Variants in EPB42 observed in about 807,000 individuals in gnomAD.
EPB42 encodes protein 4.2.
In EPB42, 49 loss-of-function variants were observed where a neutral mutation model predicts 76.9. The observed-to-expected ratio is 0.64, with a 90% confidence interval of 0.51 to 0.81. The LOEUF (loss-of-function observed/expected upper bound fraction) is 0.81. Ranked by LOEUF, EPB42 falls within the 30% of genes least tolerant of loss-of-function variation. The pLI is 0.00. For synonymous variants in EPB42, 310 were observed against 338.4 expected (o/e 0.92, Z 0.92); for missense variants, 731 against 867.6 (o/e 0.84, Z 1.98).
chr15:43,217,821 T>G (rs2042400672), intron 1 of EPB42, among the ~76,000 whole-genome samples: 1 of 152,202 alleles, frequency 6.6e-6, no homozygotes, highest in African/African-American at 2.4e-5. Flanking sequence ...CTTCAAATTT[T>G]CCTCAATTCC....
At position 43,206,275 on chromosome 15, in the gene EPB42, G is replaced by T; in HGVS notation, c.1618+55C>A. On this transcript the variant is annotated intron_variant, in intron 10 of 12. Coordinates refer to ENST00000441366, the MANE Select transcript of EPB42 (RefSeq NM_001114134.2). This position sits in a 1 kb window ranked among gnomAD's most constrained non-coding sequence, Gnocchi z 4.7. Reference sequence around the variant, plus strand: ...CTGTGGCTGCTGCCTGCCCAAGGCAGGGGCCATGTGTGTGTGTGTGTCGGG... The same window carrying T: ...CTGTGGCTGCTGCCTGCCCAAGGCATGGGCCATGTGTGTGTGTGTGTCGGG... 6.5e-7 allele frequency: 1 copy of T among 1,537,710 alleles called. No homozygotes were observed.
rs774394204 is a variant in EPB42, at chr15:43,208,793, G to A, written c.833-18C>T. The A allele has an allele frequency of 6.2e-7, 1 of 1,613,104 alleles. No individual in the cohort carries two copies. The highest frequency in any genetic ancestry group is 8.5e-7 in the Non-Finnish European group (1 of 1,179,582). ...TCGCAGCACTGTGAGAAGAGGGGCGGAGTGTCAGGGGGCGCTTGAGAGACC... is the reference window on the plus strand; with the variant it reads ...TCGCAGCACTGTGAGAAGAGGGGCGAAGTGTCAGGGGGCGCTTGAGAGACC... On this transcript the variant is annotated intron_variant, in intron 6 of 12. Coordinates refer to ENST00000441366, the MANE Select transcript of EPB42 (RefSeq NM_001114134.2).
intron 8 of EPB42, among the ~76,000 whole-genome samples, 167 bp from the exon 9 acceptor site, chr15:43,207,608 T>G (rs1378406278): frequency 1.3e-5 from 2 of 152,238 alleles, no homozygotes; most frequent in African/African-American, 4.8e-5. Context: ...GAGGTGAAAC[T>G]ATTTAGTGAT....
intron 1 of EPB42, among the ~76,000 whole-genome samples, chr15:43,219,970 A>T (rs896408111): frequency 6.6e-6 from 1 of 151,108 alleles, no homozygotes; most frequent in African/African-American, 2.4e-5. Flanking sequence ...AGGACAATTT[A>T]TTGGTGTCTG....
chr15:43,197,880 C>T (rs2042067623), intron 12 of EPB42, among the ~76,000 whole-genome samples: 1 of 152,192 alleles, frequency 6.6e-6, no homozygotes, highest in African/African-American at 2.4e-5. Context: ...ATCATGGGGG[C>T]TGGTCTTTCC....
At chr15:43,221,108 C>T (rs886051170), upstream of EPB42, 27 of 451,106 alleles carry the variant, frequency 6.0e-5, no homozygotes, top group South Asian at 2.7e-4. Context: ...GGCAGGAATA[C>T]GCCTGGCAGC....
rs183927436 is a variant in EPB42 at position 43,220,766 on chromosome 15, G to A, written c.10+50C>T. On this transcript the variant is annotated intron_variant, in intron 1 of 12. Coordinates refer to ENST00000441366, the MANE Select transcript of EPB42 (RefSeq NM_001114134.2). Reference sequence around the variant, plus strand: ...CTTTAATGAAAACAGGTGATGCTGCGGGGGCTGCATACAGTCCAGCAAGCC... The same window carrying A: ...CTTTAATGAAAACAGGTGATGCTGCAGGGGCTGCATACAGTCCAGCAAGCC... The A allele has an allele frequency of 2.5e-4, 409 of 1,612,792 alleles. No homozygotes were observed. The highest frequency in any genetic ancestry group is 5.2e-4 in the Admixed American group (31 of 59,928).
chr15:43,216,362 C>A lies in EPB42; in HGVS notation c.102G>T (p.Arg34Ser). The change falls in exon 2 of 13, where the codon AGG becomes AGT. Residue 34 changes from arginine to serine, a missense_variant. Arg to Ser is a moderately radical substitution (Grantham distance 110). Coordinates refer to ENST00000441366, the MANE Select transcript of EPB42 (RefSeq NM_001114134.2). The part of the protein sequence containing the change: ...KALSSRRLFV[R>S]RGQPFTIILY... ...GGATGATGGTGAAGGGCTGCCCCCT[C>A]CTCACAAAGAGGCGCCGGGAGCTGA... 1.2e-6 allele frequency: 2 copies of A among 1,614,240 alleles called. No homozygotes were observed. Among genetic ancestry groups the A allele is most frequent in the Non-Finnish European group, 1.7e-6 (2 of 1,180,046 alleles).
intron 1 of EPB42, among the ~76,000 whole-genome samples, chr15:43,216,794 A>G (rs1385259857): frequency 6.6e-6 from 1 of 152,166 alleles, no homozygotes; most frequent in Non-Finnish European, 1.5e-5. Flanking sequence ...TCTGGTCCCA[A>G]TCCACAAGCA....
chr15:43,211,422 A>G lies in EPB42; in HGVS notation c.543T>C (p.Phe181=), dbSNP rs1324981550. 6.2e-7 allele frequency: 1 copy of G among 1,608,746 alleles called. No individual in the cohort carries two copies. The highest frequency in any genetic ancestry group is 2.2e-5 in the East Asian group (1 of 44,864). ...ADCIQAESWD[F]GQFEGDVIDL... ...CCCTAGAGGGCCCTGGTACCTGGCC[A>G]AAGTCCCAGGACTCTGCCTGGATGC... Residue 181 remains phenylalanine (F), a synonymous_variant, in exon 4 of 13, where the codon TTT becomes TTC. Coordinates refer to ENST00000441366, the MANE Select transcript of EPB42 (RefSeq NM_001114134.2).
chr15:43,210,528 C>T, intron 4 of EPB42, 89 bp from the exon 5 acceptor site: 1 of 1,166,760 alleles, frequency 8.6e-7, no homozygotes, highest in Non-Finnish European at 1.3e-6. Flanking sequence ...TCCTGCAGGA[C>T]AGCCTCATCA....
Position 43,208,769 on chromosome 15 carries a change from C to G in EPB42, c.839G>C (p.Arg280Pro). ...CACGCGGGCAGGGATTCCCAGGCAT[C>G]GCAGCACTGTGAGAAGAGGGGCGGA... ...VLAAVACTVL[R>P]CLGIPARVVT... The change falls in exon 7 of 13, where the codon CGA becomes CCA. Residue 280 changes from arginine to proline, a missense_variant. Transcript: ENST00000441366. 1.2e-6 allele frequency: 2 copies of G among 1,613,998 alleles called. No homozygotes were observed. Among genetic ancestry groups the G allele is most frequent in the Non-Finnish European group, 1.7e-6 (2 of 1,179,986 alleles).
Position 43,207,188 on chromosome 15 carries a change from C to A in EPB42, c.1318+11G>T. Reference sequence around the variant, plus strand: ...GTACCGAGAAGCCTGGGGCCCTTCCCTGGCCCGTACCTTCAGGATACTTGT... The same window carrying A: ...GTACCGAGAAGCCTGGGGCCCTTCCATGGCCCGTACCTTCAGGATACTTGT... On this transcript the variant is annotated intron_variant, in intron 9 of 12. Transcript: ENST00000441366. 6.2e-7 allele frequency: 1 copy of A among 1,614,110 alleles called. No homozygotes were observed. Among genetic ancestry groups the A allele is most frequent in the Admixed American group, 1.7e-5 (1 of 60,022 alleles).
intron 10 of EPB42, among the ~76,000 whole-genome samples, chr15:43,204,839 C>T (rs771745057): frequency 3.3e-5 from 5 of 152,050 alleles, no homozygotes; most frequent in Admixed American, 2.0e-4. Flanking sequence ...AATCCCAATG[C>T]CAGGCCACAC....
intron 4 of EPB42, 53 bp from the exon 5 acceptor site, chr15:43,210,492 G>T (rs992934725): frequency 6.5e-7 from 1 of 1,538,382 alleles, no homozygotes. Context: ...AGGGCCATGA[G>T]GAAGGGTCCC....
chr15:43,204,974 CA>C lies in EPB42; in HGVS notation c.1618+1355del, dbSNP rs58964768. Among the ~76,000 whole-genome samples the C allele has an allele frequency of 8.6e-4, 125 of 145,240 alleles. 6 individuals carry two copies. The highest frequency in any genetic ancestry group is 1.3e-3 in the Admixed American group (19 of 14,766). ...AAGGCTGCCCCCTCCGCCCCCCCCC[CA>C]AAAAAAAGTTCCCAAGATGACTCAA... On this transcript the variant is annotated intron_variant, in intron 10 of 12. Coordinates refer to ENST00000441366, the MANE Select transcript of EPB42 (RefSeq NM_001114134.2).
chr15:43,206,629 C>G lies in EPB42; in HGVS notation c.1319G>C (p.Gly440Ala). The change falls in exon 10 of 13, where the codon GGG becomes GCG. Residue 440 changes from glycine (G) to alanine (A), a missense_variant and splice_region_variant. By Grantham distance (60) the Gly-to-Ala change is moderately conservative. Coordinates refer to ENST00000441366, the MANE Select transcript of EPB42 (RefSeq NM_001114134.2). The surrounding 1 kb of genome is among the most constrained non-coding windows in gnomAD (Gnocchi z 4.7). Reference protein sequence around the residue: ...DITQNYKYPEGSLQEKEVLER... With the variant: ...DITQNYKYPEASLQEKEVLER... ...CAGCACCTCTTTTTCCTGAAGAGAC[C>G]CTGGAGAAGGGAAGAAACAAAGCTG... 1 of 1,614,010 alleles carries G rather than the reference C, an allele frequency of 6.2e-7. No individual in the cohort carries two copies. The highest frequency in any genetic ancestry group is 2.2e-5 in the East Asian group (1 of 44,884).
chr15:43,209,668 C>A (rs994085411), intron 5 of EPB42: 2 of 535,550 alleles, frequency 3.7e-6, no homozygotes, highest in Non-Finnish European at 6.6e-6. Flanking sequence ...TCCTTCTTAA[C>A]AAGTTCTCTG....
intron 1 of EPB42, among the ~76,000 whole-genome samples, chr15:43,219,057 G>T (rs967027472): frequency 5.3e-5 from 8 of 152,182 alleles, no homozygotes; most frequent in Non-Finnish European, 1.0e-4. Context: ...TTTAACGACT[G>T]GCTGGGGGGA....
Sources: allele counts gnomAD v4.1 joint callset (sites outside exome capture counted in the v4.1 genomes callset), GRCh38; gene constraint gnomAD v4.1.1; non-coding constraint Gnocchi (gnomAD v3.1); transcripts MANE v1.5; gene names NCBI Gene and HGNC (gene_info 2026-07-23, HGNC 2026-07-21).